The following TMEM117 variants were observed in gnomAD, a reference collection of about 807,000 sequenced individuals.
The protein encoded by TMEM117 is transmembrane protein 117.
Under a neutral mutation model 52.4 loss-of-function variants are expected in TMEM117, and 27 were observed. The ratio of observed to expected loss-of-function variants is 0.51; its 90% confidence interval spans 0.38 to 0.71. The LOEUF (loss-of-function observed/expected upper bound fraction) is 0.71, where lower values mean the gene tolerates loss of function less well. Ranked by LOEUF, TMEM117 falls within the 30% of genes least tolerant of loss-of-function variation. The pLI is 0.00. For synonymous variants in TMEM117, 215 were observed against 206.3 expected, an observed-to-expected ratio of 1.04 and a Z score of -0.36; for missense variants, 556 against 630.5, an observed-to-expected ratio of 0.88 and a Z score of 1.26.
intron 2 of TMEM117, among the ~76,000 whole-genome samples, chr12:43,905,074 C>T (rs186681536): frequency 8.6e-5 from 13 of 151,812 alleles, no homozygotes; most frequent in East Asian, 1.9e-4. Flanking sequence ...ACCCAGGAGG[C>T]GGAGGTTGCG....
intron 3 of TMEM117, among the ~76,000 whole-genome samples, chr12:44,037,951 C>T (rs1252273345): frequency 6.6e-6 from 1 of 152,136 alleles, no homozygotes; most frequent in Non-Finnish European, 1.5e-5. Flanking sequence ...TGGGGGTCTC[C>T]TCTCCACTGA....
chr12:44,197,847 A>G (rs1236137641), intron 4 of TMEM117, among the ~76,000 whole-genome samples: 1 of 152,204 alleles, frequency 6.6e-6, no homozygotes, highest in African/African-American at 2.4e-5. Flanking sequence ...ATAAGGTGCA[A>G]TACATCACAA....
intron 4 of TMEM117, among the ~76,000 whole-genome samples, chr12:44,161,430 T>C (rs972584978): frequency 2.6e-5 from 4 of 152,226 alleles, no homozygotes; most frequent in East Asian, 1.9e-4. Flanking sequence ...ATGGAACTTA[T>C]GTCATGATAG....
chr12:43,854,331 G>A (rs560836813), intron 2 of TMEM117, among the ~76,000 whole-genome samples: 1 of 152,122 alleles, frequency 6.6e-6, no homozygotes, highest in African/African-American at 2.4e-5. Context: ...GCAGATTGGG[G>A]TATGTGAGGC....
At chr12:44,319,660 T>C (rs1455022810) in intron 6 of TMEM117, among the ~76,000 whole-genome samples, 2 of 152,222 alleles carry the variant, frequency 1.3e-5, no homozygotes, top group African/African-American at 4.8e-5. Context: ...AAATAATGCA[T>C]TTTCTGATGA....
At chr12:44,135,033 T>C (rs1426191128) in intron 3 of TMEM117, among the ~76,000 whole-genome samples, 1 of 152,146 alleles carries the variant, frequency 6.6e-6, no homozygotes, top group Non-Finnish European at 1.5e-5. Context: ...CCTCTCACTC[T>C]CTGCCACTCT....
At chr12:44,089,390 AC>A (rs1381703254) in intron 3 of TMEM117, among the ~76,000 whole-genome samples, 1 of 152,164 alleles carries the variant, frequency 6.6e-6, no homozygotes, top group Admixed American at 6.5e-5. Context: ...CCTGACAACC[AC>A]AAAGCTCCCC....
At chr12:43,973,448 T>C (rs1238293187) in intron 3 of TMEM117, among the ~76,000 whole-genome samples, 1 of 152,214 alleles carries the variant, frequency 6.6e-6, no homozygotes, top group East Asian at 1.9e-4. Flanking sequence ...CTAAATCCCT[T>C]GTTACTTGAC....
chr12:44,331,036 C>T (rs1369670990), intron 6 of TMEM117, among the ~76,000 whole-genome samples: 3 of 151,852 alleles, frequency 2.0e-5, no homozygotes, highest in African/African-American at 7.3e-5. Flanking sequence ...TTTGATTTCC[C>T]AGGAATCAAT....
intron 3 of TMEM117, among the ~76,000 whole-genome samples, chr12:44,138,985 A>C (rs936140960): frequency 1.2e-4 from 18 of 152,114 alleles, no homozygotes; most frequent in African/African-American, 3.6e-4. Context: ...ATGCCTTAAG[A>C]ATCCTTAGAG....
Position 43,864,200 on chromosome 12 carries a change from C to T in TMEM117, c.277+19272C>T, listed in dbSNP as rs555937912. On this transcript the variant is annotated intron_variant, in intron 2 of 7. Transcript: ENST00000266534. ...TCACTCCCCCCGCAGTGGGTTCCTG[C>T]GCGGCCTGAGCCTCCCCGACCAGCA... Among the ~76,000 whole-genome samples, 18 of 152,306 alleles carry T rather than the reference C, an allele frequency of 1.2e-4. No homozygotes were observed. The East Asian group carries it at 1.4e-3, about 11-fold the overall frequency.
chr12:43,916,688 G>A (rs983295941), intron 2 of TMEM117, among the ~76,000 whole-genome samples: 1 of 152,182 alleles, frequency 6.6e-6, no homozygotes, highest in Non-Finnish European at 1.5e-5. Flanking sequence ...ACTGTTGCTG[G>A]AGTATGAAAC....
chr12:44,047,946 T>C (rs963173555), intron 3 of TMEM117, among the ~76,000 whole-genome samples: 4 of 152,298 alleles, frequency 2.6e-5, no homozygotes, highest in Admixed American at 6.5e-5. Context: ...GTGTACAAAG[T>C]TGGCTTTGTT....
intron 3 of TMEM117, among the ~76,000 whole-genome samples, chr12:44,005,362 C>T (rs767548890): frequency 6.6e-6 from 1 of 152,202 alleles, no homozygotes; most frequent in Non-Finnish European, 1.5e-5. Context: ...ACATTATAAA[C>T]CAGGATCTGA....
chr12:44,026,456 AC>A (rs1249805571), intron 3 of TMEM117, among the ~76,000 whole-genome samples: 5 of 152,094 alleles, frequency 3.3e-5, no homozygotes, highest in African/African-American at 1.2e-4. Flanking sequence ...TTCACATGTC[AC>A]CTTCTCACTG....
chr12:44,359,706 G>T (rs1322050898), intron 6 of TMEM117, among the ~76,000 whole-genome samples: 1 of 151,734 alleles, frequency 6.6e-6, no homozygotes, highest in Non-Finnish European at 1.5e-5. Context: ...AGAATTACCA[G>T]ATTAATATGG....
At chr12:44,297,468 T>C (rs893181307) in intron 5 of TMEM117, among the ~76,000 whole-genome samples, 3 of 151,752 alleles carry the variant, frequency 2.0e-5, no homozygotes, top group Non-Finnish European at 4.4e-5. Flanking sequence ...AACAGGGAGG[T>C]GAGAGGCTCT....
rs377075702 is a variant in TMEM117 at position 44,150,875 on chromosome 12, G to C, written c.510+7251G>C. Among the ~76,000 whole-genome samples, 16 of 152,124 alleles carry C rather than the reference G, an allele frequency of 1.1e-4. No homozygotes were observed. The East Asian group carries it at 3.1e-3, about 29-fold the overall frequency. On this transcript the variant is annotated intron_variant, in intron 4 of 7. Transcript: ENST00000266534. ...TAAAAAAGGATTTCCGGGTAAAAAA[G>C]GTTGTACTATAATGTATAGACACTT... is the stretch of plus-strand genomic sequence containing the variant.
intron 6 of TMEM117, among the ~76,000 whole-genome samples, chr12:44,363,888 C>T (rs1232250280): frequency 6.6e-6 from 1 of 152,056 alleles, no homozygotes; most frequent in East Asian, 1.9e-4. Context: ...GAATTAGGGG[C>T]AGAGAGCAGT....
Sources: allele counts gnomAD v4.1 joint callset (sites outside exome capture counted in the v4.1 genomes callset), GRCh38; gene constraint gnomAD v4.1.1; transcripts MANE v1.5; gene names NCBI Gene and HGNC (gene_info 2026-07-23, HGNC 2026-07-21).